Variants in TTC23L observed in about 807,000 individuals in gnomAD.
TTC23L encodes tetratricopeptide repeat protein 23-like.
A neutral mutation model predicts 48.1 loss-of-function variants in TTC23L; 42 were observed. The observed-to-expected ratio is 0.87, with a 90% CI of 0.68 to 1.13. The LOEUF (loss-of-function observed/expected upper bound fraction) is 1.13, where lower values mean the gene tolerates loss of function less well. Among genes scored for constraint, TTC23L ranks in the 50% most tolerant of loss-of-function variants. The pLI, the probability that TTC23L is intolerant of heterozygous loss-of-function variation, is 0.00. For synonymous variants in TTC23L, 159 were observed against 157.2 expected (o/e 1.01, Z -0.09); for missense variants, 391 against 421.0 (o/e 0.93, Z 0.62).
intron 9 of TTC23L, among the ~76,000 whole-genome samples, chr5:34,889,560 G>C (rs1419494312): frequency 6.6e-6 from 1 of 152,102 alleles, no homozygotes; most frequent in Non-Finnish European, 1.5e-5. Context: ...CCCCACAGGA[G>C]ACTATCTCCT....
At chr5:34,889,042 T>C (rs960392619) in intron 9 of TTC23L, among the ~76,000 whole-genome samples, 3 of 152,204 alleles carry the variant, frequency 2.0e-5, no homozygotes, top group Non-Finnish European at 2.9e-5. Context: ...TGTATAGACT[T>C]GTCTCAGTCT....
chr5:34,925,244 T>G, the TTC23L span: 1 of 1,598,004 alleles, frequency 6.3e-7, no homozygotes, highest in Non-Finnish European at 8.5e-7. Flanking sequence ...TGTCATAAGA[T>G]CCATCACAGC....
At chr5:34,919,762 A>G in the TTC23L span, 1 of 460,416 alleles carries the variant, frequency 2.2e-6, no homozygotes, top group Non-Finnish European at 4.0e-6. Flanking sequence ...TATTTTCTGG[A>G]TAGCATATGT....
At chr5:34,845,764 T>C (rs1759067426) in intron 3 of TTC23L, 91 bp downstream of exon 3, 1 of 1,259,512 alleles carries the variant, frequency 7.9e-7, no homozygotes, top group South Asian at 1.6e-5. Flanking sequence ...TTGAAGCATA[T>C]GAAATAGAGG....
At chr5:34,839,400 C>G in intron 1 of TTC23L, 141 bp downstream of exon 1, 1 of 154,162 alleles carries the variant, frequency 6.5e-6, no homozygotes, top group Non-Finnish European at 1.4e-5. Flanking sequence ...CTTAGAGCCT[C>G]CGCGGCAGAG....
rs1761452510 is a variant in TTC23L at position 34,871,372 on chromosome 5, A to G, written c.949+2359A>G. ...ATCTATCAAAATATGTACAGTATTT[A>G]TGTGCTGAAAACTACAAAACTGATG... On this transcript the variant is annotated intron_variant, in intron 8 of 10. Transcript: ENST00000505624. 4.6e-5 allele frequency among the ~76,000 whole-genome samples: 7 copies of G among 152,204 alleles called. No individual in the cohort carries two copies. In the South Asian group the frequency reaches 1.4e-3, roughly 32 times the overall value.
intron 4 of TTC23L, chr5:34,861,598 T>C (rs1760660332): frequency 6.6e-6 from 1 of 152,220 alleles, no homozygotes; most frequent in South Asian, 2.1e-4. Context: ...TTCCCTTTCA[T>C]TGCTATAACT....
intron 9 of TTC23L, among the ~76,000 whole-genome samples, chr5:34,894,538 TTATGTA>T (rs1324120996): frequency 6.6e-6 from 1 of 152,208 alleles, no homozygotes; most frequent in East Asian, 1.9e-4. Flanking sequence ...AAATTCTATG[TTATGTA>T]TTTCTGTGTC....
chr5:34,891,824 G>A (rs1170918541), intron 9 of TTC23L, among the ~76,000 whole-genome samples: 1 of 152,158 alleles, frequency 6.6e-6, no homozygotes, highest in Non-Finnish European at 1.5e-5. Context: ...TCTTTTAGGT[G>A]ATCTGAAAAG....
At chr5:34,891,243 C>CA (rs1040432385) in intron 9 of TTC23L, among the ~76,000 whole-genome samples, 3 of 152,136 alleles carry the variant, frequency 2.0e-5, no homozygotes, top group Middle Eastern at 3.2e-3. Flanking sequence ...GTAATAGGTA[C>CA]AGAGTATACA....
intron 9 of TTC23L, among the ~76,000 whole-genome samples, chr5:34,894,082 CCT>C (rs1196122693): frequency 6.6e-6 from 1 of 152,064 alleles, no homozygotes; most frequent in Non-Finnish European, 1.5e-5. Flanking sequence ...CTTGATTGCA[CCT>C]TTTTGGTGGA....
chr5:34,845,718 T>C (rs2150348200), intron 3 of TTC23L, 45 bp downstream of exon 3: 1 of 1,550,714 alleles, frequency 6.4e-7, no homozygotes, highest in Non-Finnish European at 8.7e-7. Context: ...TTTAAAAATA[T>C]GTTCCTGTTT....
chr5:34,914,969 G>A, the TTC23L span: 1 of 1,508,836 alleles, frequency 6.6e-7, no homozygotes, highest in East Asian at 2.3e-5. Flanking sequence ...CACCTGAAGG[G>A]ATTAGACAGT....
chr5:34,913,622 A>C, the TTC23L span: 31 of 1,197,970 alleles, frequency 2.6e-5, no homozygotes, highest in East Asian at 2.4e-5. Flanking sequence ...AAAAGAATAA[A>C]AACTAATAAT....
At chr5:34,855,305 T>C (rs1760036437) in intron 4 of TTC23L, among the ~76,000 whole-genome samples, 1 of 151,926 alleles carries the variant, frequency 6.6e-6, no homozygotes, top group South Asian at 2.1e-4. Flanking sequence ...TGGTTTTAAA[T>C]ACAGGCTAAG....
the TTC23L span, chr5:34,916,157 A>G: frequency 8.4e-6 from 3 of 355,162 alleles, no homozygotes; most frequent in Admixed American, 4.5e-5. Flanking sequence ...GCTCAGATCC[A>G]GCGTTCTTTC....
At chr5:34,876,967 C>T (rs1197036938) in intron 8 of TTC23L, among the ~76,000 whole-genome samples, 1 of 151,586 alleles carries the variant, frequency 6.6e-6, no homozygotes, top group African/African-American at 2.4e-5. Context: ...GCACATGTAC[C>T]CCAGAACTTA....
At chr5:34,902,748 T>G (rs180705474), downstream of TTC23L, among the ~76,000 whole-genome samples, 8 of 152,070 alleles carry the variant, frequency 5.3e-5, no homozygotes, top group African/African-American at 1.7e-4. Flanking sequence ...GGTCCCACAT[T>G]GCAGACCTGG....
intron 4 of TTC23L, among the ~76,000 whole-genome samples, chr5:34,857,307 T>A (rs553158598): frequency 2.6e-4 from 39 of 152,330 alleles, no homozygotes; most frequent in African/African-American, 9.4e-4. Context: ...TCTGAAATTC[T>A]GCTTATTAAT....
Sources: gnomAD v4.1 joint callset for allele counts (sites outside exome capture counted in the v4.1 genomes callset) on GRCh38, gnomAD v4.1.1 for gene constraint, MANE v1.5 for transcripts, NCBI Gene and HGNC (gene_info 2026-07-23, HGNC 2026-07-21) for gene names.